BPTF: variants seen among roughly 807,000 people sequenced by gnomAD.
The protein encoded by BPTF is nucleosome-remodeling factor subunit BPTF.
BPTF carries 18 observed loss-of-function variants against 292.5 expected under a neutral mutation model. That is an observed-to-expected ratio of 0.06 (90% confidence interval 0.04 to 0.09). The LOEUF is 0.09. Ranked by LOEUF, BPTF falls within the 10% of genes least tolerant of loss-of-function variation. The pLI is 1.00. For missense variants in BPTF, 2,726 were observed against 3,498.7 expected (o/e 0.78, Z 5.57); for synonymous variants, 1,225 against 1,251.9 (o/e 0.98, Z 0.45).
rs779918027 is a variant in BPTF at position 67,826,268 on chromosome 17, G to T, written c.544G>T (p.Asp182Tyr). The T allele has an allele frequency of 4.3e-6, 7 of 1,611,090 alleles. No homozygotes were observed. The highest frequency in any genetic ancestry group is 3.3e-5 in the Admixed American group (2 of 59,960). ...DSDYPEEMEDDDDDASYCTES... is the reference protein window; with the variant it reads ...DSDYPEEMEDYDDDASYCTES... ...CGATTATCCGGAGGAGATGGAAGAC[G>T]ACGACGACGACGCCAGTTACTGCAC... Residue 182 changes from aspartate to tyrosine, a missense_variant, in exon 1 of 28, where the codon GAC becomes TAC. Asp to Tyr is a radical substitution (Grantham distance 160). Coordinates refer to ENST00000306378, the MANE Select transcript of BPTF (RefSeq NM_182641.4).
chr17:67,914,314 ATAGT>A (rs1023082379), intron 11 of BPTF, among the ~76,000 whole-genome samples: 8 of 152,228 alleles, frequency 5.3e-5, no homozygotes, highest in Non-Finnish European at 1.0e-4. Context: ...ACAACCAGTC[ATAGT>A]TTGTTTGACC....
intron 18 of BPTF, among the ~76,000 whole-genome samples, chr17:67,932,991 C>T (rs2064541080): frequency 6.6e-6 from 1 of 152,174 alleles, no homozygotes; most frequent in East Asian, 1.9e-4. Flanking sequence ...GTTGCTCATG[C>T]CTGTAATCCC....
intron 4 of BPTF, among the ~76,000 whole-genome samples, chr17:67,880,894 T>C (rs542181412): frequency 1.3e-5 from 2 of 152,096 alleles, no homozygotes; most frequent in South Asian, 4.2e-4. Context: ...TGGCCCAACA[T>C]TTAATTAATG....
At chr17:67,930,301 C>T (rs753307941) in intron 17 of BPTF, among the ~76,000 whole-genome samples, 16 of 152,044 alleles carry the variant, frequency 1.1e-4, no homozygotes, top group Admixed American at 3.9e-4. Flanking sequence ...TGGGTTCAAG[C>T]GATTCTCCTG....
At position 67,916,288 on chromosome 17, in the gene BPTF, A is replaced by C. The variant is rs190402031; in HGVS notation, c.5304-2426A>C. Among the ~76,000 whole-genome samples the C allele has an allele frequency of 2.0e-5, 3 of 152,178 alleles. No individual in the cohort carries two copies. The East Asian group carries it at 5.8e-4, about 29-fold the overall frequency. On this transcript the variant is annotated intron_variant, in intron 11 of 27. Transcript: ENST00000306378. ...CTCTTTCACAGTGTTCATTTTTCCA[A>C]CTGAATGCTGTCAATAGAAAGCATT... is the stretch of plus-strand genomic sequence containing the variant.
At chr17:67,863,312 G>A (rs73350883) in intron 2 of BPTF, among the ~76,000 whole-genome samples, 11,830 of 151,996 alleles carry the variant, frequency 0.078, 1,572 homozygotes, top group African/African-American at 0.27. Flanking sequence ...TTTGAGACAC[G>A]GAGTCTCTGT....
intron 13 of BPTF, among the ~76,000 whole-genome samples, chr17:67,922,631 T>A (rs1467464997): frequency 6.6e-6 from 1 of 152,150 alleles, no homozygotes; most frequent in Non-Finnish European, 1.5e-5. Flanking sequence ...CTTTTATAAA[T>A]GAAATTTGAT....
In BPTF at chr17:67,948,836, AAGTT is replaced by A. The variant is rs772925368; in HGVS notation, c.7926+533_7926+536del. ...GACCTCATCCCTACACAAAATGAAA[AAGTT>A]AGCCAGATGTGGTGGCACACAGCCC... On this transcript the variant is annotated intron_variant, in intron 23 of 27. Coordinates refer to ENST00000306378, the MANE Select transcript of BPTF (RefSeq NM_182641.4). Among the ~76,000 whole-genome samples the A allele has an allele frequency of 5.3e-4, 80 of 152,214 alleles. 1 individual carries two copies. Among genetic ancestry groups the A allele is most frequent in the Non-Finnish European group, 8.2e-4 (56 of 68,016 alleles).
At chr17:67,961,236 T>A (rs569297710) in intron 24 of BPTF, among the ~76,000 whole-genome samples, 1 of 152,346 alleles carries the variant, frequency 6.6e-6, no homozygotes, top group Non-Finnish European at 1.5e-5. Flanking sequence ...CACAGATACA[T>A]GTGCCCATTC....
At chr17:67,868,395 G>C (rs2059512878) in intron 3 of BPTF, among the ~76,000 whole-genome samples, 2 of 152,110 alleles carry the variant, frequency 1.3e-5, no homozygotes, top group African/African-American at 4.8e-5. Flanking sequence ...TGCTTCCAGA[G>C]CCCTCTGCAG....
At chr17:67,893,891 C>A in intron 6 of BPTF, 143 bp from the exon 7 acceptor site, 1 of 1,186,032 alleles carries the variant, frequency 8.4e-7, no homozygotes, top group Non-Finnish European at 1.2e-6. Context: ...CTTACTGAAC[C>A]GACACCACTA....
intron 7 of BPTF, among the ~76,000 whole-genome samples, chr17:67,896,103 T>C (rs540555730): frequency 2.0e-4 from 31 of 152,088 alleles, no homozygotes; most frequent in Non-Finnish European, 3.1e-4. Flanking sequence ...ACTGGGACTA[T>C]AGGCACCCAC....
intron 21 of BPTF, among the ~76,000 whole-genome samples, chr17:67,946,900 T>C (rs1193019274): frequency 2.0e-5 from 3 of 152,372 alleles, no homozygotes; most frequent in East Asian, 1.9e-4. Flanking sequence ...GTCACACATA[T>C]AACATCTGAT....
At chr17:67,883,192 T>G (rs1370522237) in intron 4 of BPTF, among the ~76,000 whole-genome samples, 1 of 151,896 alleles carries the variant, frequency 6.6e-6, no homozygotes, top group Non-Finnish European at 1.5e-5. Context: ...GATGGGCGCC[T>G]GTAGTCTCAG....
At chr17:67,951,468 C>G (rs782657570) in intron 23 of BPTF, 28 of 152,272 alleles carry the variant, frequency 1.8e-4, no homozygotes, top group Non-Finnish European at 3.5e-4. Context: ...TTGAACAAGC[C>G]AGTTTACACA....
At chr17:67,861,505 A>G (rs1213139415) in intron 2 of BPTF, among the ~76,000 whole-genome samples, 3 of 151,904 alleles carry the variant, frequency 2.0e-5, no homozygotes, top group Non-Finnish European at 4.4e-5. Flanking sequence ...TAGTAGAGAC[A>G]GGGTTTCACC....
rs1361930234 is a variant in BPTF, at chr17:67,975,970, G to A, written c.8726+12G>A. On this transcript the variant is annotated intron_variant, in intron 27 of 27. Transcript: ENST00000306378. ...TTCAAAGCTAGCAGGTGAGCAGATG[G>A]GTTCGGTATTCTGAATTAATTCAAC... 1.3e-6 allele frequency: 2 copies of A among 1,594,284 alleles called. No individual in the cohort carries two copies. The highest frequency in any genetic ancestry group is 1.7e-6 in the Non-Finnish European group (2 of 1,170,938).
At chr17:67,982,175 CT>C in intron 27 of BPTF, 76 bp from the exon 28 acceptor site, 1 of 1,330,806 alleles carries the variant, frequency 7.5e-7, no homozygotes, top group Middle Eastern at 1.8e-4. Context: ...ACTGACTGAC[CT>C]TGGCATCCGC....
chr17:67,825,560 C>G lies in BPTF; in HGVS notation c.-165C>G, dbSNP rs1366368810. 1 of 429,902 alleles carries G rather than the reference C, an allele frequency of 2.3e-6. No individual in the cohort carries two copies. The highest frequency in any genetic ancestry group is 2.8e-5 in the Admixed American group (1 of 36,184). The allele number at this position is 429,902 out of a possible 1,614,324, so 26.6% of individuals were successfully genotyped here. A position where few individuals can be genotyped will look rare whatever the true frequency, so the allele number is the denominator to read the frequency against. ...CGGCTGAAGGCGATCCGGAGTGGGG[C>G]CCCAGCAATTCGGATTGAGCCTTCT... On this transcript the variant is annotated 5_prime_UTR_variant, in exon 1 of 28. Coordinates refer to ENST00000306378, the MANE Select transcript of BPTF (RefSeq NM_182641.4).
Sources: gnomAD v4.1 joint callset for allele counts (sites outside exome capture counted in the v4.1 genomes callset) on GRCh38, gnomAD v4.1.1 for gene constraint, MANE v1.5 for transcripts, NCBI Gene and HGNC (gene_info 2026-07-23, HGNC 2026-07-21) for gene names.